The following SYNCRIP variants were observed in gnomAD, a reference collection of about 807,000 sequenced individuals.
SYNCRIP encodes synaptotagmin binding cytoplasmic RNA interacting protein.
A neutral mutation model predicts 68.9 loss-of-function variants in SYNCRIP; 9 were observed. The ratio of observed to expected loss-of-function variants is 0.13; its 90% CI spans 0.08 to 0.23. The LOEUF is 0.23. Among genes scored for constraint, SYNCRIP ranks in the 10% least tolerant of loss-of-function variants. The probability of loss-of-function intolerance (pLI) is 1.00; values close to 1 mark genes in which losing one functional copy is unlikely to be tolerated. For missense variants in SYNCRIP, 414 were observed against 770.6 expected, an observed-to-expected ratio of 0.54 and a Z score of 5.48; for synonymous variants, 258 against 254.0, an observed-to-expected ratio of 1.02 and a Z score of -0.15.
intron 8 of SYNCRIP, among the ~76,000 whole-genome samples, chr6:85,621,699 T>C (rs1484983428): frequency 6.6e-6 from 1 of 151,992 alleles, no homozygotes; most frequent in African/African-American, 2.4e-5. Context: ...TCAAGGGATG[T>C]TTATTCTTAT....
chr6:85,627,820 G>A (rs1452585202), intron 6 of SYNCRIP, among the ~76,000 whole-genome samples: 1 of 152,118 alleles, frequency 6.6e-6, no homozygotes, highest in Non-Finnish European at 1.5e-5. Flanking sequence ...GATTAATTAT[G>A]ATCATTAATC....
At chr6:85,618,700 C>T in intron 10 of SYNCRIP, 118 bp downstream of exon 10, 1 of 824,666 alleles carries the variant, frequency 1.2e-6, no homozygotes, top group Non-Finnish European at 1.8e-6. Flanking sequence ...CTCAAACGTT[C>T]AAGTCTTCTT....
downstream of SYNCRIP, chr6:85,612,973 A>C: frequency 6.5e-7 from 1 of 1,538,376 alleles, no homozygotes. Context: ...TTAAATTAAT[A>C]ATGTGTACAT....
chr6:85,639,764 A>G (rs1228378364), intron 4 of SYNCRIP, among the ~76,000 whole-genome samples: 1 of 152,154 alleles, frequency 6.6e-6, no homozygotes, highest in East Asian at 1.9e-4. Context: ...CACACTAAAC[A>G]ATCTTATTGT....
In SYNCRIP at chr6:85,614,468, C is replaced by T. The variant is rs1805536107; in HGVS notation, c.*288G>A. The T allele has an allele frequency of 9.0e-7, 1 of 1,114,292 alleles. No individual in the cohort carries two copies. Among genetic ancestry groups the T allele is most frequent in the Non-Finnish European group, 1.1e-6 (1 of 913,388 alleles). The allele number at this position is 1,114,292 out of a possible 1,614,324, so 69.0% of individuals were successfully genotyped here. A position where few individuals can be genotyped will look rare whatever the true frequency, so the allele number is the denominator to read the frequency against. On this transcript the variant is annotated 3_prime_UTR_variant, in exon 11 of 11. Coordinates refer to ENST00000369622, the MANE Select transcript of SYNCRIP (RefSeq NM_006372.5). ...TAAACACTACTGGAAACATCGTTGA[C>T]ACTACAGCCAAATGGACTTGAGCCA...
At position 85,640,575 on chromosome 6, in the gene SYNCRIP, TAA is replaced by T. The variant is rs748768787; in HGVS notation, c.149-13_149-12del. 1.7e-4 allele frequency: 251 copies of T among 1,513,484 alleles called. No individual in the cohort carries two copies. The highest frequency in any genetic ancestry group is 2.1e-4 in the Non-Finnish European group (235 of 1,118,620). 93.8% of individuals were successfully genotyped at this position (1,513,484 alleles called of 1,614,324 possible). On this transcript the variant is annotated splice_polypyrimidine_tract_variant and intron_variant, in intron 2 of 10. Transcript: ENST00000369622. ...TATGTGCAACTAGCCCTGAAAAAAATAAAAGTTATCAGCTTTTAATATTTTTA... is the reference window on the plus strand; with the variant it reads ...TATGTGCAACTAGCCCTGAAAAAAATAAGTTATCAGCTTTTAATATTTTTA...
In SYNCRIP at chr6:85,614,843, G is replaced by A. The variant is rs780870804; in HGVS notation, c.1785C>T (p.Leu595=). 1.2e-6 allele frequency: 2 copies of A among 1,614,074 alleles called. No individual in the cohort carries two copies. The highest frequency in any genetic ancestry group is 4.5e-5 in the East Asian group (2 of 44,876). ...WGSQPIAQQP[L]QGGDHSGNYG... ...AGTTACCAGAATGATCACCACCTTG[G>A]AGCGGTTGCTGAGCAATGGGTTGGG... The change falls in exon 11 of 11, where the codon CTC becomes CTT. Residue 595 remains leucine, a synonymous_variant. Transcript: ENST00000369622.
intron 1 of SYNCRIP, 146 bp downstream of exon 1, chr6:85,642,651 T>C (rs536949576): frequency 1.7e-3 from 254 of 152,768 alleles, no homozygotes; most frequent in Non-Finnish European, 2.9e-3. Context: ...CGCGGCCTAC[T>C]CCCAGGCAGC....
intron 6 of SYNCRIP, among the ~76,000 whole-genome samples, chr6:85,630,986 A>C (rs1807705228): frequency 6.6e-6 from 1 of 152,212 alleles, no homozygotes; most frequent in African/African-American, 2.4e-5. Context: ...AGCATCAGTC[A>C]TAAATGGGCT....
At chr6:85,634,949 T>G (rs540322017) in intron 6 of SYNCRIP, among the ~76,000 whole-genome samples, 206 of 152,198 alleles carry the variant, frequency 1.4e-3, no homozygotes, top group Non-Finnish European at 2.5e-3. Context: ...GCGGGCAGAT[T>G]ACTTGAGGTC....
At chr6:85,622,804 T>C in intron 7 of SYNCRIP, 117 bp from the exon 8 acceptor site, 1 of 789,254 alleles carries the variant, frequency 1.3e-6, no homozygotes, top group Non-Finnish European at 2.0e-6. Flanking sequence ...ATCTCTTTCC[T>C]TCACTAGACA....
intron 6 of SYNCRIP, among the ~76,000 whole-genome samples, chr6:85,634,286 G>GT (rs1476342441): frequency 6.6e-6 from 1 of 152,154 alleles, no homozygotes; most frequent in East Asian, 1.9e-4. Flanking sequence ...CTCTAATGAT[G>GT]TATCTTTACT....
chr6:85,640,627 T>C (rs765434681), intron 2 of SYNCRIP, 63 bp from the exon 3 acceptor site: 5 of 1,028,630 alleles, frequency 4.9e-6, no homozygotes, highest in East Asian at 2.5e-5. Flanking sequence ...GAGAAGACTA[T>C]GTTGGCAATA....
Position 85,642,878 on chromosome 6 carries a change from G to C in SYNCRIP, c.-94C>G, listed in dbSNP as rs564475540. ...CGCGTGCTCGCTGCTCCCTGTGTCC[G>C]GCGCGAGTGGAGCTGTTGTAAAATG... On this transcript the variant is annotated 5_prime_UTR_variant, in exon 1 of 11. Coordinates refer to ENST00000369622, the MANE Select transcript of SYNCRIP (RefSeq NM_006372.5). The C allele has an allele frequency of 1.3e-5, 2 of 152,590 alleles. No individual in the cohort carries two copies. Among genetic ancestry groups the C allele is most frequent in the Non-Finnish European group, 1.5e-5 (1 of 68,042 alleles). 9.5% of individuals were successfully genotyped at this position (152,590 alleles called of 1,614,324 possible). A position where few individuals can be genotyped will look rare whatever the true frequency, so the allele number is the denominator to read the frequency against.
chr6:85,616,989 T>G (rs1805849081), intron 10 of SYNCRIP, among the ~76,000 whole-genome samples: 2 of 151,934 alleles, frequency 1.3e-5, no homozygotes, highest in Non-Finnish European at 2.9e-5. Flanking sequence ...AGGACAGAGA[T>G]GAGAAATCCT....
intron 1 of SYNCRIP, among the ~76,000 whole-genome samples, chr6:85,642,534 C>T (rs140325475): frequency 5.3e-5 from 8 of 152,276 alleles, no homozygotes; most frequent in African/African-American, 1.9e-4. Flanking sequence ...TGAAGCCGCT[C>T]GCGGTCCGTG....
chr6:85,619,167 G>A (rs964694227), intron 9 of SYNCRIP, 101 bp downstream of exon 9: 1 of 1,490,876 alleles, frequency 6.7e-7, no homozygotes, highest in African/African-American at 1.4e-5. Context: ...TGGATTCCAT[G>A]GACTTCCAAA....
chr6:85,613,204 GACTA>G (rs1805387240), downstream of SYNCRIP, among the ~76,000 whole-genome samples: 2 of 149,766 alleles, frequency 1.3e-5, no homozygotes, highest in African/African-American at 4.9e-5. Flanking sequence ...AAAAAAAAAA[GACTA>G]ACAGGAAACC....
chr6:85,623,579 A>AAAAAACAAAAAAAAAAAAAAAC (rs1554184894), intron 7 of SYNCRIP, among the ~76,000 whole-genome samples: 1 of 125,758 alleles, frequency 8.0e-6, no homozygotes, highest in Non-Finnish European at 1.8e-5. Context: ...AAAAAAAAAA[A>AAAAAACAAAAAAAAAAAAAAAC]AAAACACTCT....
Sources: allele counts gnomAD v4.1 joint callset (sites outside exome capture counted in the v4.1 genomes callset), GRCh38; gene constraint gnomAD v4.1.1; transcripts MANE v1.5; gene names NCBI Gene and HGNC (gene_info 2026-07-23, HGNC 2026-07-21).